The following ZNF600 variants were observed in gnomAD, a reference collection of about 807,000 sequenced individuals.
ZNF600 encodes the protein zinc finger protein KR-ZNF1.
ZNF600 carries 4 observed loss-of-function variants against 7.3 expected under a neutral mutation model. That is an observed-to-expected ratio of 0.55 (90% CI 0.27 to 1.25). The LOEUF (loss-of-function observed/expected upper bound fraction) is 1.25, where lower values mean the gene tolerates loss of function less well. ZNF600 is among the 50% of genes most tolerant of loss of function. The pLI is 0.12. For synonymous variants in ZNF600, 290 were observed against 308.9 expected (o/e 0.94, Z 0.64); for missense variants, 911 against 922.1 (o/e 0.99, Z 0.16).
At chr19:52,775,277 G>A (rs2062665262) in intron 2 of ZNF600, among the ~76,000 whole-genome samples, 1 of 151,556 alleles carries the variant, frequency 6.6e-6, no homozygotes, top group East Asian at 2.0e-4. Flanking sequence ...AACAATGCCG[G>A]GCAGTGACTG....
chr19:52,808,434 A>G, the ZNF600 span, among the ~76,000 whole-genome samples: 6 of 152,196 alleles, frequency 3.9e-5, no homozygotes, highest in African/African-American at 1.4e-4. Flanking sequence ...CATTATCTAG[A>G]TGAGAGAGAG....
the ZNF600 span, chr19:52,799,078 C>A: frequency 2.2e-6 from 1 of 446,604 alleles, no homozygotes; most frequent in Non-Finnish European, 4.3e-6. Context: ...TGACTGACAA[C>A]TTTGTCACAG....
At chr19:52,792,539 C>T in the ZNF600 span, among the ~76,000 whole-genome samples, 1 of 151,830 alleles carries the variant, frequency 6.6e-6, no homozygotes, top group Non-Finnish European at 1.5e-5. Context: ...GGCGACAAAA[C>T]GAGACTTCAT....
chr19:52,822,933 C>CA, the ZNF600 span, among the ~76,000 whole-genome samples: 1 of 152,226 alleles, frequency 6.6e-6, no homozygotes, highest in East Asian at 1.9e-4. Flanking sequence ...ACGTCAACTC[C>CA]AAATGAAGGG....
chr19:52,765,309 G>A, exon 4 of ZNF600: 1 of 667,212 alleles, frequency 1.5e-6, no homozygotes, highest in African/African-American at 1.8e-5. Flanking sequence ...TGAACATGAA[G>A]TAAAGGCTTT....
At chr19:52,831,664 A>C in the ZNF600 span, among the ~76,000 whole-genome samples, 2 of 151,888 alleles carry the variant, frequency 1.3e-5, no homozygotes, top group Non-Finnish European at 2.9e-5. Context: ...CACCACGCCC[A>C]GCTAATTTTT....
At chr19:52,780,724 C>G (rs1475803658) in intron 1 of ZNF600, 1 of 151,718 alleles carries the variant, frequency 6.6e-6, no homozygotes, top group Non-Finnish European at 1.5e-5. Flanking sequence ...GTGAAAATTC[C>G]TCTCAAAAAA....
chr19:52,833,157 T>C, the ZNF600 span, among the ~76,000 whole-genome samples: 1 of 152,168 alleles, frequency 6.6e-6, no homozygotes, highest in African/African-American at 2.4e-5. Context: ...TTTCCAGAAT[T>C]TACCAGATAT....
chr19:52,780,058 T>A (rs1376708022), intron 1 of ZNF600, among the ~76,000 whole-genome samples: 1 of 152,068 alleles, frequency 6.6e-6, no homozygotes, highest in African/African-American at 2.4e-5. Flanking sequence ...TTGTGCCACA[T>A]TTCTCTGTGA....
At chr19:52,773,739 G>A (rs916758654) in intron 3 of ZNF600, among the ~76,000 whole-genome samples, 5 of 152,196 alleles carry the variant, frequency 3.3e-5, no homozygotes, top group Non-Finnish European at 5.9e-5. Flanking sequence ...CGGCATGGTG[G>A]TGCATGTCTG....
chr19:52,773,997 C>T (rs537930573), intron 3 of ZNF600, among the ~76,000 whole-genome samples: 8 of 152,018 alleles, frequency 5.3e-5, no homozygotes, highest in South Asian at 4.2e-4. Context: ...GGATTACAGG[C>T]GTGTGCCACT....
At chr19:52,798,505 A>G in the ZNF600 span, 1 of 508,966 alleles carries the variant, frequency 2.0e-6, no homozygotes, top group Non-Finnish European at 4.0e-6. Context: ...ACCTTACCAC[A>G]CTGATGACAT....
chr19:52,776,572 C>T (rs1279622647), intron 2 of ZNF600, among the ~76,000 whole-genome samples: 1 of 152,046 alleles, frequency 6.6e-6, no homozygotes, highest in Non-Finnish European at 1.5e-5. Flanking sequence ...CCACTGCGTC[C>T]ATCTAATTTT....
At chr19:52,809,187 A>G in the ZNF600 span, among the ~76,000 whole-genome samples, 4 of 152,214 alleles carry the variant, frequency 2.6e-5, no homozygotes, top group Non-Finnish European at 5.9e-5. Context: ...GAAATGCCCC[A>G]TCCTAGAAGA....
At chr19:52,809,473 C>T in the ZNF600 span, among the ~76,000 whole-genome samples, 1 of 152,102 alleles carries the variant, frequency 6.6e-6, no homozygotes, top group South Asian at 2.1e-4. Flanking sequence ...CTGGCGTCTA[C>T]TTGAGGGTGG....
rs759118133 is a variant in ZNF600 at position 52,766,641 on chromosome 19, G to C, written c.1322C>G (p.Ser441Cys). Residue 441 changes from serine to cysteine, a missense_variant, in exon 4 of 4, where the codon TCC (serine) becomes TGC (cysteine). By Grantham distance (112) the Ser-to-Cys change is moderately radical (BLOSUM62 -1). Transcript: ENST00000648973. Reference sequence around the variant, plus strand: ...ATGAAGTCTATGATGGCATACAAGGGATGACTTGTGACTGAAGGTCTTGCC... The same window carrying C: ...ATGAAGTCTATGATGGCATACAAGGCATGACTTGTGACTGAAGGTCTTGCC... 1.4e-5 allele frequency: 23 copies of C among 1,613,780 alleles called. No homozygotes were observed. In the South Asian group the frequency reaches 2.5e-4, roughly 18 times the overall value.
chr19:52,788,100 T>C (rs879759491), upstream of ZNF600, among the ~76,000 whole-genome samples: 1 of 151,156 alleles, frequency 6.6e-6, no homozygotes, highest in Non-Finnish European at 1.5e-5. Context: ...TCCATCCATC[T>C]CTGGTGTGAG....
intron 3 of ZNF600, among the ~76,000 whole-genome samples, chr19:52,768,967 G>A (rs182234425): frequency 6.6e-6 from 1 of 152,290 alleles, no homozygotes; most frequent in Admixed American, 6.5e-5. Flanking sequence ...AGAGATAGGA[G>A]CTGAGGGGAC....
downstream of ZNF600, chr19:52,764,454 CA>C (rs1844134551): frequency 6.7e-6 from 1 of 150,324 alleles, no homozygotes; most frequent in African/African-American, 2.5e-5. Context: ...TTAGGTGATC[CA>C]CTCACATCAG....
Sources: allele counts gnomAD v4.1 joint callset (sites outside exome capture counted in the v4.1 genomes callset), GRCh38; gene constraint gnomAD v4.1.1; transcripts MANE v1.5; gene names NCBI Gene and HGNC (gene_info 2026-07-23, HGNC 2026-07-21).